NELL2: variants seen among roughly 807,000 people sequenced by gnomAD.
NELL2 encodes the protein protein kinase C-binding protein NELL2.
NELL2 carries 41 observed loss-of-function variants against 109.6 expected under a neutral mutation model. That is an observed-to-expected ratio of 0.37 (90% CI 0.29 to 0.49). The LOEUF (loss-of-function observed/expected upper bound fraction) is 0.49, where lower values mean the gene tolerates loss of function less well. Among genes scored for constraint, NELL2 ranks in the 20% least tolerant of loss-of-function variants. The pLI, the probability that NELL2 is intolerant of heterozygous loss-of-function variation, is 0.98. For synonymous variants in NELL2, 355 were observed against 344.7 expected, an observed-to-expected ratio of 1.03 and a Z score of -0.33; for missense variants, 900 against 1,008.3, an observed-to-expected ratio of 0.89 and a Z score of 1.45.
At position 44,843,213 on chromosome 12, in the gene NELL2, TA is replaced by T. The variant is rs559615746; in HGVS notation, c.185-27078del. ...AACAACCCTCCTAAAGCTCAACAAT[TA>T]AAAAAAAAACTAATTAGAAAGTAGA... On this transcript the variant is annotated intron_variant, in intron 2 of 19. Transcript: ENST00000429094. Among the ~76,000 whole-genome samples, 520 of 146,892 alleles carry T rather than the reference TA, an allele frequency of 3.5e-3. 1 individual carries two copies. The highest frequency in any genetic ancestry group is 0.011 in the African/African-American group (425 of 40,026).
chr12:44,893,166 G>C (rs1945555165), intron 1 of NELL2, among the ~76,000 whole-genome samples: 1 of 152,078 alleles, frequency 6.6e-6, no homozygotes, highest in African/African-American at 2.4e-5. Context: ...CCTAGAGAAG[G>C]ATCCTCACTT....
chr12:44,881,730 G>A (rs1321920541), intron 1 of NELL2: 1 of 151,914 alleles, frequency 6.6e-6, no homozygotes, highest in Non-Finnish European at 1.5e-5. Context: ...TGTTAATCAA[G>A]AAAGAATGTT....
At chr12:44,685,532 T>A (rs979593708) in intron 12 of NELL2, among the ~76,000 whole-genome samples, 2 of 152,212 alleles carry the variant, frequency 1.3e-5, no homozygotes, top group Admixed American at 1.3e-4. Context: ...CATTTTGGCA[T>A]GATTTTGCAG....
chr12:44,660,015 A>G (rs957129510), intron 13 of NELL2, among the ~76,000 whole-genome samples: 7 of 152,160 alleles, frequency 4.6e-5, no homozygotes, highest in African/African-American at 1.7e-4. Flanking sequence ...TCTTCGGAGA[A>G]TCATTCACCT....
chr12:44,518,729 C>T (rs1444646774), intron 19 of NELL2, among the ~76,000 whole-genome samples: 3 of 152,100 alleles, frequency 2.0e-5, no homozygotes, highest in South Asian at 4.1e-4. Flanking sequence ...TAAGAGGACT[C>T]AACTCTATTT....
intron 9 of NELL2, among the ~76,000 whole-genome samples, chr12:44,749,252 AG>A (rs1190631387): frequency 6.6e-6 from 1 of 152,192 alleles, no homozygotes; most frequent in African/African-American, 2.4e-5. Context: ...ACTACTGTAA[AG>A]GTGAGAAGAT....
chr12:44,898,956 A>C (rs1445235172), intron 1 of NELL2, among the ~76,000 whole-genome samples: 1 of 152,178 alleles, frequency 6.6e-6, no homozygotes, highest in African/African-American at 2.4e-5. Flanking sequence ...AACTTTGTGA[A>C]GCATACACAA....
chr12:44,882,566 C>T (rs1336968743), intron 1 of NELL2, among the ~76,000 whole-genome samples: 1 of 151,650 alleles, frequency 6.6e-6, no homozygotes, highest in African/African-American at 2.4e-5. Context: ...CTCACTCTGT[C>T]ACTCAGGCCG....
rs1941794834 is a variant in NELL2, at chr12:44,777,327, A to AATAGAAAAAAAAGACATATT, written c.607-33_607-14dup. 1.2e-6 allele frequency: 2 copies of AATAGAAAAAAAAGACATATT among 1,608,954 alleles called. No homozygotes were observed. Among genetic ancestry groups the AATAGAAAAAAAAGACATATT allele is most frequent in the Non-Finnish European group, 1.7e-6 (2 of 1,175,522 alleles). On this transcript the variant is annotated splice_polypyrimidine_tract_variant and intron_variant, in intron 5 of 19. Coordinates refer to ENST00000429094, the MANE Select transcript of NELL2 (RefSeq NM_001145108.2). ...CTTGCATTATACCCTGTGTGTGAAA[A>AATAGAAAAAAAAGACATATT]ATAGAAAAAAAAGACATATTACTTT... is the stretch of plus-strand genomic sequence containing the variant.
intron 9 of NELL2, among the ~76,000 whole-genome samples, chr12:44,740,629 T>C (rs989992910): frequency 6.6e-6 from 1 of 151,882 alleles, no homozygotes; most frequent in Non-Finnish European, 1.5e-5. Context: ...ATCTATAAGG[T>C]TAAAAAGTAT....
Position 44,776,953 on chromosome 12 carries a change from C to T in NELL2, c.762+89G>A, listed in dbSNP as rs993401101. 13 of 1,133,622 alleles carry T rather than the reference C, an allele frequency of 1.1e-5. No homozygotes were observed. The Admixed American group carries it at 1.2e-4, about 11-fold the overall frequency. The allele number at this position is 1,133,622 out of a possible 1,614,324, so 70.2% of individuals were successfully genotyped here. A position where few individuals can be genotyped will look rare whatever the true frequency, so the allele number is the denominator to read the frequency against. On this transcript the variant is annotated intron_variant, in intron 7 of 19. Coordinates refer to ENST00000429094, the MANE Select transcript of NELL2 (RefSeq NM_001145108.2). ...AAACAGTATAGTATAAGAAGAGCCT[C>T]GAAGGTGAAAATCTATGGTTATAAA...
chr12:44,906,742 C>T (rs554003040), intron 1 of NELL2, among the ~76,000 whole-genome samples: 41 of 152,066 alleles, frequency 2.7e-4, no homozygotes, highest in African/African-American at 9.2e-4. Context: ...AAGGTAAGTC[C>T]GGGACATATT....
chr12:44,775,991 C>T, intron 8 of NELL2, 31 bp downstream of exon 8: 1 of 1,603,542 alleles, frequency 6.2e-7, no homozygotes, highest in Admixed American at 1.8e-5. Context: ...CATCTGAGTT[C>T]CCTTAGTCTC....
At chr12:44,685,287 T>C (rs1396778742) in intron 12 of NELL2, among the ~76,000 whole-genome samples, 4 of 151,980 alleles carry the variant, frequency 2.6e-5, no homozygotes, top group African/African-American at 9.7e-5. Context: ...CTCCATCCTT[T>C]TATTTTGAGC....
chr12:44,514,416 C>CCAAACAAGT (rs1321422950), intron 19 of NELL2, among the ~76,000 whole-genome samples: 2 of 151,502 alleles, frequency 1.3e-5, no homozygotes, highest in African/African-American at 4.8e-5. Flanking sequence ...CAACCATGGC[C>CCAAACAAGT]CAAACAAGTG....
At chr12:44,817,065 T>C (rs558975781) in intron 2 of NELL2, among the ~76,000 whole-genome samples, 1 of 152,340 alleles carries the variant, frequency 6.6e-6, no homozygotes, top group Non-Finnish European at 1.5e-5. Context: ...TAGTTTTCAA[T>C]GGAAGAACTG....
At chr12:44,526,527 T>A (rs1299804241) in intron 16 of NELL2, among the ~76,000 whole-genome samples, 1 of 152,162 alleles carries the variant, frequency 6.6e-6, no homozygotes, top group African/African-American at 2.4e-5. Context: ...TGTTCTTAAG[T>A]ACCATGCTAC....
intron 19 of NELL2, among the ~76,000 whole-genome samples, chr12:44,509,911 A>G (rs74085067): frequency 0.12 from 18,164 of 152,102 alleles, 2,224 homozygotes; most frequent in African/African-American, 0.31. Context: ...GGCCAAACGC[A>G]CAGAGGAGAG....
At chr12:44,789,570 A>T (rs1203313464) in intron 3 of NELL2, among the ~76,000 whole-genome samples, 1 of 152,098 alleles carries the variant, frequency 6.6e-6, no homozygotes, top group Non-Finnish European at 1.5e-5. Flanking sequence ...GGGCTCTTTA[A>T]CACCCCCCAA....
Sources: gnomAD v4.1 joint callset for allele counts (sites outside exome capture counted in the v4.1 genomes callset) on GRCh38, gnomAD v4.1.1 for gene constraint, MANE v1.5 for transcripts, NCBI Gene and HGNC (gene_info 2026-07-23, HGNC 2026-07-21) for gene names.